Variants in LRP1B observed in about 807,000 individuals in gnomAD.
The protein encoded by LRP1B is low-density lipoprotein receptor-related protein 1B.
LRP1B carries 217 observed loss-of-function variants against 556.6 expected under a neutral mutation model. That is an observed-to-expected ratio of 0.39 (90% CI 0.35 to 0.44). LRP1B has a LOEUF of 0.44. Ranked by LOEUF, LRP1B falls within the 20% of genes least tolerant of loss-of-function variation. The pLI is 1.00. For synonymous variants in LRP1B, 2,047 were observed against 1,865.8 expected (o/e 1.10, Z -2.50); for missense variants, 5,053 against 5,620.8 (o/e 0.90, Z 3.23).
At chr2:141,373,396 T>A (rs2105596816) in intron 3 of LRP1B, among the ~76,000 whole-genome samples, 1 of 152,252 alleles carries the variant, frequency 6.6e-6, no homozygotes, top group African/African-American at 2.4e-5. Flanking sequence ...ATGTTTATGT[T>A]AAATCTCTTT....
At chr2:141,799,669 G>A (rs756154051) in intron 2 of LRP1B, among the ~76,000 whole-genome samples, 24 of 151,872 alleles carry the variant, frequency 1.6e-4, no homozygotes, top group Middle Eastern at 3.2e-3. Flanking sequence ...CCTCACTTCC[G>A]AACCACAAAA....
intron 84 of LRP1B, among the ~76,000 whole-genome samples, chr2:140,285,410 G>T (rs968056484): frequency 2.0e-5 from 3 of 149,028 alleles, no homozygotes; most frequent in Non-Finnish European, 4.5e-5. Context: ...CAGAGAGAGA[G>T]ATATTTCTAC....
chr2:140,725,799 T>C (rs1046822853), intron 35 of LRP1B, among the ~76,000 whole-genome samples: 10 of 152,156 alleles, frequency 6.6e-5, no homozygotes, highest in Admixed American at 5.9e-4. Context: ...TCACATCATA[T>C]CCTTGACTCC....
At position 140,350,798 on chromosome 2, in the gene LRP1B, A is replaced by G. The variant is rs1371491804; in HGVS notation, c.11891T>C (p.Ile3964Thr). 1.9e-6 allele frequency: 3 copies of G among 1,609,964 alleles called. No homozygotes were observed. Among genetic ancestry groups the G allele is most frequent in the Non-Finnish European group, 2.5e-6 (3 of 1,178,068 alleles). Reference protein sequence around the residue: ...REKRQANSGLICPEFKRPRDI... With the variant: ...REKRQANSGLTCPEFKRPRDI... Reference sequence around the variant, plus strand: ...AAATATACAATGGTATTTACTTACAATCAAGCCACTGTTTGCTTGCCTTTT... The same window carrying G: ...AAATATACAATGGTATTTACTTACAGTCAAGCCACTGTTTGCTTGCCTTTT... Residue 3964 changes from isoleucine (I) to threonine (T), a missense_variant and splice_region_variant, in exon 77 of 91, where the codon ATT (isoleucine) becomes ACT (threonine). Physicochemically the swap from Ile to Thr is moderately conservative, Grantham distance 89. Transcript: ENST00000389484.
intron 43 of LRP1B, among the ~76,000 whole-genome samples, chr2:140,543,409 G>A (rs1680209246): frequency 6.6e-6 from 1 of 151,904 alleles, no homozygotes; most frequent in African/African-American, 2.4e-5. Context: ...AATACATCAT[G>A]ATAAAATTAG....
chr2:141,894,250 G>A (rs926090719), intron 1 of LRP1B, among the ~76,000 whole-genome samples: 1 of 151,708 alleles, frequency 6.6e-6, no homozygotes, highest in Admixed American at 6.6e-5. Flanking sequence ...TGTATTTCCC[G>A]AACAATTACT....
At chr2:142,116,406 C>A (rs945720896) in intron 1 of LRP1B, among the ~76,000 whole-genome samples, 4 of 151,874 alleles carry the variant, frequency 2.6e-5, no homozygotes, top group African/African-American at 4.8e-5. Flanking sequence ...AAAGAACTGA[C>A]CAGCAGTCCT....
chr2:141,323,557 C>G (rs948687421), intron 3 of LRP1B, among the ~76,000 whole-genome samples: 1 of 152,030 alleles, frequency 6.6e-6, no homozygotes, highest in African/African-American at 2.4e-5. Context: ...TGGCTCTTCT[C>G]AAAGATTTCC....
At chr2:140,678,806 C>T (rs1224652338) in intron 41 of LRP1B, among the ~76,000 whole-genome samples, 4 of 141,920 alleles carry the variant, frequency 2.8e-5, no homozygotes, top group Non-Finnish European at 6.0e-5. Context: ...GGAATGGAGT[C>T]TCTCTCTGTC....
At chr2:141,831,207 A>T (rs1697101905) in intron 1 of LRP1B, among the ~76,000 whole-genome samples, 1 of 151,728 alleles carries the variant, frequency 6.6e-6, no homozygotes, top group African/African-American at 2.4e-5. Flanking sequence ...AAGGACTAAA[A>T]GTAGTCACTT....
chr2:141,062,085 C>G lies in LRP1B; in HGVS notation c.1202G>C (p.Gly401Ala). 1 of 1,611,580 alleles carries G rather than the reference C, an allele frequency of 6.2e-7. No homozygotes were observed. Among genetic ancestry groups the G allele is most frequent in the Non-Finnish European group, 8.5e-7 (1 of 1,178,460 alleles). The change falls in exon 8 of 91, where the codon GGA becomes GCA. Residue 401 changes from glycine (G) to alanine (A), a missense_variant. Physicochemically the swap from Gly to Ala is moderately conservative, Grantham distance 60. Coordinates refer to ENST00000389484, the MANE Select transcript of LRP1B (RefSeq NM_018557.3). The stretch of plus-strand genomic sequence containing the variant: ...TTGAATGACAGTGTGTCTATTTTTT[C>G]CTTGATAGTCCACTACTCCCACATA... ...LDYVGVVDYQ[G>A]KNRHTVIQGR...
intron 41 of LRP1B, among the ~76,000 whole-genome samples, chr2:140,657,644 C>CAT (rs574082567): frequency 0.051 from 7,468 of 145,438 alleles, 251 homozygotes; most frequent in Admixed American, 0.072. Context: ...TATATACATA[C>CAT]ATATATACAT....
At chr2:141,621,835 G>A (rs890230569) in intron 2 of LRP1B, among the ~76,000 whole-genome samples, 3 of 152,072 alleles carry the variant, frequency 2.0e-5, no homozygotes, top group African/African-American at 4.8e-5. Context: ...AGGAAAAGTC[G>A]ATCCAAAAAT....
At chr2:140,613,602 C>T (rs936782979) in intron 41 of LRP1B, among the ~76,000 whole-genome samples, 1 of 151,302 alleles carries the variant, frequency 6.6e-6, no homozygotes, top group African/African-American at 2.4e-5. Context: ...TTGGAGCCTA[C>T]TTCTCAACTA....
In LRP1B at chr2:140,472,887, C is replaced by T. The variant is rs377285103; in HGVS notation, c.9625+2251G>A. Among the ~76,000 whole-genome samples the T allele has an allele frequency of 3.3e-5, 5 of 151,916 alleles. No homozygotes were observed. In the East Asian group the frequency reaches 9.6e-4, roughly 29 times the overall value. ...TTACTTTGTCATGACTGGTATGTCTCATCGTTCTGGTTAGCTCAGATTTCA... is the reference window on the plus strand; with the variant it reads ...TTACTTTGTCATGACTGGTATGTCTTATCGTTCTGGTTAGCTCAGATTTCA... On this transcript the variant is annotated intron_variant, in intron 60 of 90. Coordinates refer to ENST00000389484, the MANE Select transcript of LRP1B (RefSeq NM_018557.3).
At chr2:141,425,284 G>A (rs949043077) in intron 3 of LRP1B, among the ~76,000 whole-genome samples, 5 of 150,600 alleles carry the variant, frequency 3.3e-5, no homozygotes, top group Non-Finnish European at 7.4e-5. Flanking sequence ...ATTCCATGGT[G>A]TATATGTGCC....
rs762752944 is a variant in LRP1B at position 140,907,899 on chromosome 2, G to A, written c.3498C>T (p.Gly1166=). The A allele has an allele frequency of 4.3e-6, 7 of 1,613,406 alleles. No individual in the cohort carries two copies. In the East Asian group the frequency reaches 1.3e-4, roughly 31 times the overall value. Reference sequence around the variant, plus strand: ...TACCACAGAGATAGCCTTCATCAGAGCCATCAGGACAATCCTTTTTCCCAT... The same window carrying A: ...TACCACAGAGATAGCCTTCATCAGAACCATCAGGACAATCCTTTTTCCCAT... ...LCNGKKDCPD[G]SDEGYLCDEC... is the part of the protein sequence containing the mutation. Residue 1166 remains glycine, a synonymous_variant, in exon 22 of 91, where the codon GGC becomes GGT. Transcript: ENST00000389484.
chr2:140,248,863 T>C (rs1255228586), intron 86 of LRP1B, among the ~76,000 whole-genome samples: 1 of 151,458 alleles, frequency 6.6e-6, no homozygotes, highest in Non-Finnish European at 1.5e-5. Context: ...GCTTTACATC[T>C]GCCAAATTTT....
intron 72 of LRP1B, among the ~76,000 whole-genome samples, chr2:140,360,632 A>G (rs1298533590): frequency 6.6e-6 from 1 of 151,546 alleles, no homozygotes; most frequent in Non-Finnish European, 1.5e-5. Context: ...TAAGATCTCC[A>G]TTTAAATTCA....
Sources: allele counts gnomAD v4.1 joint callset (sites outside exome capture counted in the v4.1 genomes callset), GRCh38; gene constraint gnomAD v4.1.1; transcripts MANE v1.5; gene names NCBI Gene and HGNC (gene_info 2026-07-23, HGNC 2026-07-21).